The following AKR1C8 variants were observed in gnomAD, a reference collection of about 807,000 sequenced individuals.
The protein encoded by AKR1C8 is aldo-keto reductase family 1 member C-like protein 1.
At chr10:5,162,264 A>C in the AKR1C8 span, among the ~76,000 whole-genome samples, 1 of 152,202 alleles carries the variant, frequency 6.6e-6, no homozygotes, top group Non-Finnish European at 1.5e-5. Context: ...CATCCACCAA[A>C]ATGAGTCAAG....
At chr10:5,122,500 T>A in the AKR1C8 span, among the ~76,000 whole-genome samples, 3 of 152,218 alleles carry the variant, frequency 2.0e-5, no homozygotes, top group African/African-American at 7.2e-5. Flanking sequence ...CCACCTGGAC[T>A]TGACCACACT....
At chr10:5,144,988 T>C in the AKR1C8 span, among the ~76,000 whole-genome samples, 3 of 151,748 alleles carry the variant, frequency 2.0e-5, no homozygotes, top group East Asian at 5.8e-4. Context: ...GCCCATTCAG[T>C]ATGATATTGG....
At chr10:5,117,157 G>T in the AKR1C8 span, among the ~76,000 whole-genome samples, 94 of 151,484 alleles carry the variant, frequency 6.2e-4, no homozygotes, top group Middle Eastern at 3.4e-3. Flanking sequence ...ACAGGAAAAG[G>T]GTTAAAAGGT....
At chr10:5,148,307 A>C in the AKR1C8 span, among the ~76,000 whole-genome samples, 2 of 152,136 alleles carry the variant, frequency 1.3e-5, no homozygotes, top group Non-Finnish European at 2.9e-5. Context: ...GGAGAGATGC[A>C]GGGCATCCTT....
chr10:5,175,928 G>T, the AKR1C8 span, among the ~76,000 whole-genome samples: 1 of 152,124 alleles, frequency 6.6e-6, no homozygotes, highest in Non-Finnish European at 1.5e-5. Flanking sequence ...TTCGTAGGTT[G>T]CCTGTTCACT....
At chr10:5,144,360 C>T in the AKR1C8 span, among the ~76,000 whole-genome samples, 2 of 152,094 alleles carry the variant, frequency 1.3e-5, no homozygotes, top group Non-Finnish European at 1.5e-5. Context: ...GATGCGGGCT[C>T]TTTTTTGGTT....
At chr10:5,154,887 A>T in the AKR1C8 span, 1 of 152,382 alleles carries the variant, frequency 6.6e-6, no homozygotes, top group East Asian at 1.9e-4. Context: ...TGGGCTCTCC[A>T]GAGGTGGACT....
At chr10:5,132,825 A>C in the AKR1C8 span, 1 of 740,114 alleles carries the variant, frequency 1.4e-6, no homozygotes. Flanking sequence ...CAGGTAGTTC[A>C]GGCACAAACA....
chr10:5,167,048 G>T, the AKR1C8 span, among the ~76,000 whole-genome samples: 7 of 152,132 alleles, frequency 4.6e-5, no homozygotes, highest in Non-Finnish European at 1.0e-4. Context: ...CATCATCACT[G>T]GTCATCAGAG....
At chr10:5,123,235 A>G in the AKR1C8 span, 1 of 177,876 alleles carries the variant, frequency 5.6e-6, no homozygotes. Flanking sequence ...TGTGTGAAGG[A>G]CACCATGCAG....
chr10:5,150,949 C>G, the AKR1C8 span, among the ~76,000 whole-genome samples: 1 of 152,132 alleles, frequency 6.6e-6, no homozygotes, highest in Non-Finnish European at 1.5e-5. Flanking sequence ...AGTTTTATTA[C>G]TACTCAAATC....
the AKR1C8 span, among the ~76,000 whole-genome samples, chr10:5,128,733 A>T: frequency 6.6e-6 from 1 of 152,120 alleles, no homozygotes; most frequent in African/African-American, 2.4e-5. Context: ...TCCAGCAAGA[A>T]TATATTACAA....
At chr10:5,124,716 A>C in the AKR1C8 span, among the ~76,000 whole-genome samples, 59,195 of 151,528 alleles carry the variant, frequency 0.39, 12,277 homozygotes, top group Non-Finnish European at 0.43. Flanking sequence ...ATATAACTTT[A>C]CCTCTTGATA....
the AKR1C8 span, among the ~76,000 whole-genome samples, chr10:5,116,190 G>C: frequency 6.6e-6 from 1 of 152,062 alleles, no homozygotes; most frequent in African/African-American, 2.4e-5. Flanking sequence ...ATTTCATCTT[G>C]ATAGCCCGGG....
the AKR1C8 span, among the ~76,000 whole-genome samples, chr10:5,138,869 G>A: frequency 6.6e-6 from 1 of 152,092 alleles, no homozygotes; most frequent in East Asian, 1.9e-4. Flanking sequence ...AAGTCAAATT[G>A]TCCCTGTTTG....
chr10:5,134,670 C>A, the AKR1C8 span, among the ~76,000 whole-genome samples: 2 of 152,182 alleles, frequency 1.3e-5, no homozygotes, highest in Non-Finnish European at 2.9e-5. Context: ...CAAGGCCACA[C>A]AGCAGCTCAG....
chr10:5,147,588 C>T, the AKR1C8 span, among the ~76,000 whole-genome samples: 1 of 152,002 alleles, frequency 6.6e-6, no homozygotes, highest in Non-Finnish European at 1.5e-5. Context: ...CCTGTGGAAG[C>T]CAGAATCCCA....
At chr10:5,168,772 T>C in the AKR1C8 span, among the ~76,000 whole-genome samples, 1 of 151,988 alleles carries the variant, frequency 6.6e-6, no homozygotes, top group Non-Finnish European at 1.5e-5. Flanking sequence ...CCATTCCCAA[T>C]AACAAGAGAG....
chr10:5,140,092 A>G, the AKR1C8 span, among the ~76,000 whole-genome samples: 2 of 152,214 alleles, frequency 1.3e-5, no homozygotes, highest in African/African-American at 2.4e-5. Flanking sequence ...CAAAACCACA[A>G]TGAGATACCA....
Sources: allele counts gnomAD v4.1 joint callset (sites outside exome capture counted in the v4.1 genomes callset), GRCh38; gene constraint gnomAD v4.1.1; transcripts MANE v1.5; gene names NCBI Gene and HGNC (gene_info 2026-07-23, HGNC 2026-07-21).